The following MTMR8 variants were observed in gnomAD, a reference collection of about 807,000 sequenced individuals.
MTMR8 encodes phosphatidylinositol-3,5-bisphosphate 3-phosphatase MTMR8.
MTMR8 carries 65 observed loss-of-function variants against 39.3 expected under a neutral mutation model. The ratio of observed to expected loss-of-function variants is 1.65; its 90% CI spans 1.35 to 2.03. MTMR8 has a LOEUF of 2.03. MTMR8 is among the 30% of genes most tolerant of loss of function. The pLI is 0.00. For synonymous variants in MTMR8, 245 were observed against 185.2 expected, an observed-to-expected ratio of 1.32 and a Z score of -2.62; for missense variants, 777 against 538.9, an observed-to-expected ratio of 1.44 and a Z score of -4.37.
intron 12 of MTMR8, among the ~76,000 whole-genome samples, chrX:64,321,239 C>G (rs932259029): frequency 1.8e-5 from 2 of 111,418 alleles, no homozygotes; most frequent in African/African-American, 6.5e-5. Flanking sequence ...ATGAGGAAAC[C>G]CAGATATTAG....
chrX:64,364,336 G>A (rs776376850), intron 1 of MTMR8, among the ~76,000 whole-genome samples: 2 of 112,231 alleles, frequency 1.8e-5, no homozygotes, highest in East Asian at 5.7e-4. Flanking sequence ...CCTCCCAGTA[G>A]GGGCCGAATG....
rs56132040 is a variant in MTMR8, at chrX:64,278,460, GTTTTTTTTTTTTTTTTTTT to G, written c.1482-7406_1482-7388del. Among the ~76,000 whole-genome samples, 54 of 24,703 alleles carry G rather than the reference GTTTTTTTTTTTTTTTTTTT, an allele frequency of 2.2e-3. 2 individuals carry two copies. Among genetic ancestry groups the G allele is most frequent in the Middle Eastern group, 0.069 (2 of 29 alleles). 21.5% of individuals were successfully genotyped at this position (24,703 alleles called of 115,157 possible). A position where few individuals can be genotyped will look rare whatever the true frequency, so the allele number is the denominator to read the frequency against. Reference sequence around the variant, plus strand: ...GATGTTGATGCTATTTATTTTGCTGGTTTTTTTTTTTTTTTTTTTTTTTTTTTTTTTGAGATGGAGTCTC... The same window carrying G: ...GATGTTGATGCTATTTATTTTGCTGGTTTTTTTTTTTTGAGATGGAGTCTC... On this transcript the variant is annotated intron_variant, in intron 12 of 13. Transcript: ENST00000374852.
intron 12 of MTMR8, among the ~76,000 whole-genome samples, chrX:64,295,385 G>C (rs1337350978): frequency 9.0e-6 from 1 of 111,151 alleles, no homozygotes; most frequent in Non-Finnish European, 1.9e-5. Context: ...AGAACATAGG[G>C]GGAAATCTTC....
chrX:64,375,048 A>C (rs1817509798), intron 1 of MTMR8, among the ~76,000 whole-genome samples: 2 of 41,608 alleles, frequency 4.8e-5, no homozygotes, highest in Admixed American at 1.9e-4. Context: ...TGTTTTAAGC[A>C]AAAAAAAAAA....
At chrX:64,318,322 G>A (rs1922530189) in intron 12 of MTMR8, among the ~76,000 whole-genome samples, 1 of 112,189 alleles carries the variant, frequency 8.9e-6, no homozygotes, top group Non-Finnish European at 1.9e-5. Context: ...GAGCCATAGT[G>A]TTTTCTGTAG....
intron 1 of MTMR8, among the ~76,000 whole-genome samples, chrX:64,382,980 A>G (rs1924469875): frequency 9.0e-6 from 1 of 110,747 alleles, no homozygotes; most frequent in South Asian, 3.8e-4. Flanking sequence ...TCATCCTCTT[A>G]TTTTCCAGGG....
At chrX:64,348,566 A>G in intron 6 of MTMR8, 94 bp downstream of exon 6, 1 of 1,065,908 alleles carries the variant, frequency 9.4e-7, no homozygotes, top group Non-Finnish European at 1.3e-6. Context: ...ACATACACAA[A>G]CCTAACTTTC....
chrX:64,294,210 A>G (rs1331591621), intron 12 of MTMR8, among the ~76,000 whole-genome samples: 1 of 112,163 alleles, frequency 8.9e-6, no homozygotes, highest in African/African-American at 3.2e-5. Flanking sequence ...ACTAGATATC[A>G]TCACCTTAAT....
At chrX:64,304,860 T>TCATA (rs1213473988) in intron 12 of MTMR8, among the ~76,000 whole-genome samples, 8 of 28,564 alleles carry the variant, frequency 2.8e-4, no homozygotes, top group African/African-American at 5.7e-4. Context: ...GATCAAACAT[T>TCATA]TATATATATA....
At chrX:64,281,444 A>C (rs73522764) in intron 12 of MTMR8, among the ~76,000 whole-genome samples, 9,339 of 111,693 alleles carry the variant, frequency 0.084, 1,025 homozygotes, top group African/African-American at 0.29. Context: ...ACAACAAGTA[A>C]TGGAGAAAGG....
intron 12 of MTMR8, among the ~76,000 whole-genome samples, chrX:64,324,150 A>C (rs1332086286): frequency 8.9e-6 from 1 of 112,038 alleles, no homozygotes; most frequent in African/African-American, 3.2e-5. Context: ...GGATCACTTG[A>C]AGCCAGGAGT....
chrX:64,327,096 G>A (rs1365845749), intron 12 of MTMR8, among the ~76,000 whole-genome samples: 1 of 111,355 alleles, frequency 9.0e-6, no homozygotes, highest in Non-Finnish European at 1.9e-5. Context: ...GAAAACATAG[G>A]GAAAACACTT....
chrX:64,320,287 G>A (rs764745895), intron 12 of MTMR8, among the ~76,000 whole-genome samples: 60 of 110,990 alleles, frequency 5.4e-4, no homozygotes, highest in Non-Finnish European at 1.0e-3. Context: ...ACTAAATTTT[G>A]GTAAGAGAGT....
chrX:64,297,392 T>A (rs1161954207), intron 12 of MTMR8, among the ~76,000 whole-genome samples: 29 of 105,013 alleles, frequency 2.8e-4, no homozygotes, highest in Non-Finnish European at 5.5e-4. Context: ...TTGAGAAGTG[T>A]CTGTTCATGT....
rs780548217 is a variant in MTMR8, at chrX:64,300,069, G to A, written c.1481+28703C>T. 6.5e-3 allele frequency among the ~76,000 whole-genome samples: 639 copies of A among 98,363 alleles called. 6 individuals are homozygous for A. Among genetic ancestry groups the A allele is most frequent in the African/African-American group, 0.023 (603 of 26,786 alleles). 85.4% of individuals were successfully genotyped at this position (98,363 alleles called of 115,157 possible). On this transcript the variant is annotated intron_variant, in intron 12 of 13. Coordinates refer to ENST00000374852, the MANE Select transcript of MTMR8 (RefSeq NM_017677.4). Reference sequence around the variant, plus strand: ...AATGTATATTCTGTTGATTTGGGGTGGAGAGTTCTGTAGATGTCTATTAGG... The same window carrying A: ...AATGTATATTCTGTTGATTTGGGGTAGAGAGTTCTGTAGATGTCTATTAGG...
intron 1 of MTMR8, among the ~76,000 whole-genome samples, chrX:64,381,442 G>A (rs1372231138): frequency 1.1e-5 from 1 of 92,491 alleles, no homozygotes; most frequent in Non-Finnish European, 1.9e-5. Context: ...TTTTCGATGG[G>A]GTTGTTTTTT....
intron 12 of MTMR8, among the ~76,000 whole-genome samples, chrX:64,311,273 G>A: frequency 9.0e-6 from 1 of 111,659 alleles, no homozygotes; most frequent in East Asian, 2.8e-4. Context: ...ATTTTTTCAT[G>A]TCTGTTGGCT....
At chrX:64,363,208 C>G (rs1247376812) in intron 1 of MTMR8, among the ~76,000 whole-genome samples, 1 of 111,551 alleles carries the variant, frequency 9.0e-6, no homozygotes, top group African/African-American at 3.3e-5. Flanking sequence ...TATGACTCAG[C>G]AAATGTCCAT....
chrX:64,348,555 C>A, intron 6 of MTMR8, 105 bp downstream of exon 6: 1 of 978,011 alleles, frequency 1.0e-6, no homozygotes, highest in Non-Finnish European at 1.4e-6. Flanking sequence ...ATAATAAACA[C>A]ACATACACAA....
Sources: allele counts gnomAD v4.1 joint callset (sites outside exome capture counted in the v4.1 genomes callset), GRCh38; gene constraint gnomAD v4.1.1; transcripts MANE v1.5; gene names NCBI Gene and HGNC (gene_info 2026-07-23, HGNC 2026-07-21).